TAF4B: variants seen among roughly 807,000 people sequenced by gnomAD.
TAF4B encodes TATA-box binding protein associated factor 4b, also known as transcription initiation factor TFIID subunit 4B.
TAF4B carries 38 observed loss-of-function variants against 86.4 expected under a neutral mutation model. The ratio of observed to expected loss-of-function variants is 0.44; its 90% CI spans 0.34 to 0.58. TAF4B has a LOEUF of 0.58. Ranked by LOEUF, TAF4B falls within the 20% of genes least tolerant of loss-of-function variation. TAF4B has a pLI of 0.02. For synonymous variants in TAF4B, 388 were observed against 391.2 expected (o/e 0.99, Z 0.10); for missense variants, 988 against 1,027.6 (o/e 0.96, Z 0.53).
chr18:26,280,739 G>A (rs555060516), intron 5 of TAF4B, among the ~76,000 whole-genome samples: 4 of 152,296 alleles, frequency 2.6e-5, no homozygotes, highest in Admixed American at 6.5e-5. Flanking sequence ...AAAGCGGTTT[G>A]AAGATTTCTT....
chr18:26,312,880 G>C (rs1325535191), intron 9 of TAF4B, among the ~76,000 whole-genome samples: 1 of 152,104 alleles, frequency 6.6e-6, no homozygotes, highest in Admixed American at 6.5e-5. Context: ...CTTTATCTGA[G>C]TGTTTACTTA....
At chr18:26,353,499 G>T (rs1355230906) in intron 13 of TAF4B, among the ~76,000 whole-genome samples, 1 of 152,204 alleles carries the variant, frequency 6.6e-6, no homozygotes, top group African/African-American at 2.4e-5. Flanking sequence ...GGGAGGCCAA[G>T]GCCGGTGGAT....
chr18:26,317,361 A>C (rs930215502), intron 10 of TAF4B, among the ~76,000 whole-genome samples: 1 of 152,150 alleles, frequency 6.6e-6, no homozygotes, highest in African/African-American at 2.4e-5. Context: ...AGTGTGGTTT[A>C]AACCTTGATT....
intron 14 of TAF4B, 80 bp downstream of exon 14, chr18:26,357,874 AC>A: frequency 1.9e-6 from 2 of 1,034,516 alleles, no homozygotes; most frequent in Non-Finnish European, 2.8e-6. Context: ...AAAATAGTTT[AC>A]CCTGTTATGC....
chr18:26,325,423 G>A (rs1215503584), intron 11 of TAF4B, among the ~76,000 whole-genome samples: 1 of 152,144 alleles, frequency 6.6e-6, no homozygotes, highest in Non-Finnish European at 1.5e-5. Flanking sequence ...GGGTATATAG[G>A]AAGGAACATA....
At chr18:26,381,725 CTAAATAAATAAATAAATAAATAAA>C (rs59018457) in intron 14 of TAF4B, among the ~76,000 whole-genome samples, 3 of 144,166 alleles carry the variant, frequency 2.1e-5, no homozygotes, top group African/African-American at 7.7e-5. Flanking sequence ...AACTCCGCCT[CTAAATAAATAAATAAATAAATAAA>C]TAAATAAATA....
At chr18:26,250,626 G>C (rs936649252) in intron 1 of TAF4B, among the ~76,000 whole-genome samples, 1 of 152,134 alleles carries the variant, frequency 6.6e-6, no homozygotes, top group Admixed American at 6.5e-5. Context: ...TTACCAATGT[G>C]ATCAGTGCTA....
intron 13 of TAF4B, among the ~76,000 whole-genome samples, chr18:26,335,570 G>A (rs1032995380): frequency 3.3e-5 from 5 of 152,122 alleles, no homozygotes; most frequent in Non-Finnish European, 1.5e-5. Flanking sequence ...TTTTTCCAGG[G>A]TAATTGTTCG....
chr18:26,361,007 C>T (rs1335160755), intron 14 of TAF4B, among the ~76,000 whole-genome samples: 1 of 152,004 alleles, frequency 6.6e-6, no homozygotes, highest in Non-Finnish European at 1.5e-5. Context: ...TATTGGGCAG[C>T]ACTGCAGGAC....
chr18:26,249,276 C>T (rs1002495916), intron 1 of TAF4B, among the ~76,000 whole-genome samples: 6 of 152,002 alleles, frequency 3.9e-5, no homozygotes, highest in Non-Finnish European at 7.4e-5. Context: ...GCCAGGAGTT[C>T]GAGACCAGCC....
intron 11 of TAF4B, among the ~76,000 whole-genome samples, chr18:26,323,525 A>G (rs1402037967): frequency 4.2e-5 from 2 of 47,502 alleles, no homozygotes; most frequent in East Asian, 6.0e-4. Context: ...ACACCCAACT[A>G]ATTTTTTTTT....
At chr18:26,305,301 A>G (rs1217426370) in intron 9 of TAF4B, among the ~76,000 whole-genome samples, 1 of 152,268 alleles carries the variant, frequency 6.6e-6, no homozygotes, top group African/African-American at 2.4e-5. Flanking sequence ...AATAGTTAGT[A>G]AAGAGTTCAT....
chr18:26,383,668 A>T (rs2144393343), intron 14 of TAF4B, among the ~76,000 whole-genome samples: 1 of 152,332 alleles, frequency 6.6e-6, no homozygotes. Flanking sequence ...ATAATTACAG[A>T]GCTAGAATTG....
At chr18:26,253,231 T>C (rs2056032339) in intron 1 of TAF4B, among the ~76,000 whole-genome samples, 1 of 152,228 alleles carries the variant, frequency 6.6e-6, no homozygotes. Flanking sequence ...TAAATCCATT[T>C]ATCAGGTTGA....
At chr18:26,358,565 C>T (rs1051012667) in intron 14 of TAF4B, among the ~76,000 whole-genome samples, 1 of 152,134 alleles carries the variant, frequency 6.6e-6, no homozygotes, top group Non-Finnish European at 1.5e-5. Context: ...AAAAAATTAG[C>T]CGAACGTGGT....
intron 14 of TAF4B, among the ~76,000 whole-genome samples, chr18:26,360,401 T>C (rs1332102166): frequency 1.3e-5 from 2 of 152,192 alleles, no homozygotes; most frequent in Non-Finnish European, 1.5e-5. Flanking sequence ...ATTAAGGAAA[T>C]AGAACAACCC....
intron 12 of TAF4B, among the ~76,000 whole-genome samples, chr18:26,334,472 G>C (rs182976760): frequency 2.9e-3 from 442 of 152,240 alleles, no homozygotes; most frequent in Non-Finnish European, 4.2e-3. Context: ...CCAGTGGACA[G>C]ATATTCATGG....
At chr18:26,342,329 A>G (rs780348381) in intron 13 of TAF4B, among the ~76,000 whole-genome samples, 10 of 152,172 alleles carry the variant, frequency 6.6e-5, no homozygotes, top group Admixed American at 3.3e-4. Flanking sequence ...CATATTGTCT[A>G]TATCATAACT....
At chr18:26,261,086 C>A (rs1455722730) in intron 1 of TAF4B, among the ~76,000 whole-genome samples, 1 of 149,898 alleles carries the variant, frequency 6.7e-6, no homozygotes, top group African/African-American at 2.5e-5. Flanking sequence ...TCTGGCTAGA[C>A]TGTTTTAGTG....
Sources: gnomAD v4.1 joint callset for allele counts (sites outside exome capture counted in the v4.1 genomes callset) on GRCh38, gnomAD v4.1.1 for gene constraint, MANE v1.5 for transcripts, NCBI Gene and HGNC (gene_info 2026-07-23, HGNC 2026-07-21) for gene names.